The following CBFB variants were observed in gnomAD, a reference collection of about 807,000 sequenced individuals.
CBFB encodes core-binding factor subunit beta, also known as CBF-beta.
In CBFB, 9 loss-of-function variants were observed where a neutral mutation model predicts 30.4. The observed-to-expected ratio is 0.30, with a 90% CI of 0.18 to 0.52. The LOEUF is 0.52. CBFB is among the 20% of genes least tolerant of loss of function. CBFB has a pLI of 0.97. For missense variants in CBFB, 170 were observed against 244.0 expected (o/e 0.70, Z 2.02); for synonymous variants, 94 against 84.0 (o/e 1.12, Z -0.65).
At chr16:67,036,399 A>T in intron 2 of CBFB, 1 of 420,296 alleles carries the variant, frequency 2.4e-6, no homozygotes, top group East Asian at 3.5e-5. Flanking sequence ...ACCTGAAAGA[A>T]AGTATTGATT....
At chr16:67,058,978 T>A (rs1960810301) in intron 3 of CBFB, among the ~76,000 whole-genome samples, 1 of 152,224 alleles carries the variant, frequency 6.6e-6, no homozygotes, top group Admixed American at 6.5e-5. Flanking sequence ...GGGGTCTTGT[T>A]TGCAAATCTG....
chr16:67,053,305 G>A (rs1960616019), intron 3 of CBFB, among the ~76,000 whole-genome samples: 1 of 143,896 alleles, frequency 6.9e-6, no homozygotes, highest in Admixed American at 7.1e-5. Context: ...CCAGGTTGGA[G>A]TGCAGTGGTG....
intron 5 of CBFB, among the ~76,000 whole-genome samples, chr16:67,088,413 TGA>T (rs1409487141): frequency 6.6e-6 from 1 of 152,218 alleles, no homozygotes; most frequent in African/African-American, 2.4e-5. Flanking sequence ...TTGATAAAAC[TGA>T]GAGTCTCCAA....
At chr16:67,066,197 C>T (rs140129080) in intron 3 of CBFB, among the ~76,000 whole-genome samples, 4 of 152,000 alleles carry the variant, frequency 2.6e-5, no homozygotes, top group South Asian at 2.1e-4. Context: ...AGTGCATGCT[C>T]TCTTCAGAGG....
intron 2 of CBFB, among the ~76,000 whole-genome samples, chr16:67,033,121 G>A (rs535888890): frequency 1.3e-5 from 2 of 151,338 alleles, no homozygotes; most frequent in African/African-American, 2.4e-5. Flanking sequence ...GTGATCCACC[G>A]ACCTCGGCCT....
At chr16:67,082,416 C>CT in intron 5 of CBFB, 108 bp downstream of exon 5, 1 of 1,362,004 alleles carries the variant, frequency 7.3e-7, no homozygotes, top group Admixed American at 2.3e-5. Flanking sequence ...TTAATTTTGT[C>CT]TTTCATTTTT....
intron 4 of CBFB, among the ~76,000 whole-genome samples, chr16:67,075,468 G>C (rs1213110433): frequency 6.6e-6 from 1 of 152,068 alleles, no homozygotes; most frequent in African/African-American, 2.4e-5. Flanking sequence ...CAAGAATGTA[G>C]AGCAGCAGTT....
At chr16:67,066,326 T>G (rs1048411192) in intron 3 of CBFB, among the ~76,000 whole-genome samples, 6 of 148,986 alleles carry the variant, frequency 4.0e-5, no homozygotes, top group Non-Finnish European at 8.9e-5. Context: ...GGCTGGCAGA[T>G]TGCCTGAGCT....
At chr16:67,095,637 G>T (rs1181303808) in intron 5 of CBFB, among the ~76,000 whole-genome samples, 1 of 150,936 alleles carries the variant, frequency 6.6e-6, no homozygotes, top group Non-Finnish European at 1.5e-5. Context: ...CTATGTTTGT[G>T]CCTGTGAATA....
chr16:67,086,987 T>G (rs2975135), intron 5 of CBFB, among the ~76,000 whole-genome samples: 151,146 of 152,104 alleles, frequency 0.99, 75,096 homozygotes, highest in Middle Eastern at 1. Flanking sequence ...TTGCCAGCTG[T>G]TCAAGTTGGA....
At chr16:67,029,614 G>GGCGGCCATCGCCCGCA in intron 1 of CBFB, 113 bp from the exon 2 acceptor site, 1 of 1,307,922 alleles carries the variant, frequency 7.6e-7, no homozygotes. Flanking sequence ...ATCTCGCCGG[G>GGCGGCCATCGCCCGCA]GCGGCCATCG....
At chr16:67,051,495 C>T (rs1486829608) in intron 3 of CBFB, among the ~76,000 whole-genome samples, 1 of 151,740 alleles carries the variant, frequency 6.6e-6, no homozygotes, top group Non-Finnish European at 1.5e-5. Flanking sequence ...TATATGTACA[C>T]ACACACATAC....
chr16:67,074,444 G>A (rs994018512), intron 4 of CBFB, among the ~76,000 whole-genome samples: 1 of 150,428 alleles, frequency 6.6e-6, no homozygotes, highest in East Asian at 2.0e-4. Flanking sequence ...GTGCAGTGGC[G>A]TGATCTCAGC....
chr16:67,072,042 T>C lies in CBFB; in HGVS notation c.399+5244T>C, dbSNP rs537840414. Among the ~76,000 whole-genome samples the C allele has an allele frequency of 3.3e-5, 5 of 152,208 alleles. No individual in the cohort carries two copies. The South Asian group carries it at 6.2e-4, about 19-fold the overall frequency. The stretch of plus-strand genomic sequence containing the variant: ...CTCTTCTGAATTAACCAAAAAACAG[T>C]TTTTTGAAAAGTTAAAGTTCATGGT... On this transcript the variant is annotated intron_variant, in intron 4 of 5. Transcript: ENST00000412916.
chr16:67,040,683 C>T (rs1207429828), intron 3 of CBFB, among the ~76,000 whole-genome samples: 1 of 152,068 alleles, frequency 6.6e-6, no homozygotes, highest in African/African-American at 2.4e-5. Flanking sequence ...CCTTAACAGA[C>T]AATATACATA....
intron 2 of CBFB, 64 bp downstream of exon 2, chr16:67,029,877 C>T: frequency 2.7e-6 from 3 of 1,100,346 alleles, no homozygotes; most frequent in Non-Finnish European, 3.7e-6. Flanking sequence ...CGGCCCAGGC[C>T]GGTTCCGGAC....
At chr16:67,064,088 G>T (rs559925047) in intron 3 of CBFB, among the ~76,000 whole-genome samples, 1 of 152,164 alleles carries the variant, frequency 6.6e-6, no homozygotes, top group African/African-American at 2.4e-5. Context: ...ACTCACTGAA[G>T]AATTCCCACT....
intron 2 of CBFB, among the ~76,000 whole-genome samples, chr16:67,035,004 C>G (rs1434369957): frequency 6.6e-6 from 1 of 152,030 alleles, no homozygotes; most frequent in Non-Finnish European, 1.5e-5. Flanking sequence ...GTTTCCCTCC[C>G]AGAAACTTTT....
At chr16:67,078,136 T>TA (rs1961455321) in intron 4 of CBFB, among the ~76,000 whole-genome samples, 1 of 152,224 alleles carries the variant, frequency 6.6e-6, no homozygotes, top group African/African-American at 2.4e-5. Flanking sequence ...AGGGAGGTGT[T>TA]AGATTGCAGC....
Sources: allele counts gnomAD v4.1 joint callset (sites outside exome capture counted in the v4.1 genomes callset), GRCh38; gene constraint gnomAD v4.1.1; transcripts MANE v1.5; gene names NCBI Gene and HGNC (gene_info 2026-07-23, HGNC 2026-07-21).